Variants in STAT4 observed in about 807,000 individuals in gnomAD.
STAT4 encodes the protein signal transducer and activator of transcription 4.
In STAT4, 42 loss-of-function variants were observed where a neutral mutation model predicts 110.5. That is an observed-to-expected ratio of 0.38 (90% CI 0.30 to 0.49). The LOEUF is 0.49. Among genes scored for constraint, STAT4 ranks in the 20% least tolerant of loss-of-function variants. STAT4 has a pLI of 0.95. For missense variants in STAT4, 632 were observed against 887.9 expected (o/e 0.71, Z 3.66); for synonymous variants, 284 against 302.2 (o/e 0.94, Z 0.63).
In STAT4 at chr2:191,062,598, A is replaced by G. The variant is rs953998304; in HGVS notation, c.941+164T>C. On this transcript the variant is annotated intron_variant, in intron 9 of 23. Coordinates refer to ENST00000392320, the MANE Select transcript of STAT4 (RefSeq NM_003151.4). The surrounding 1 kb of genome is among the most constrained non-coding windows in gnomAD (Gnocchi z 4.9). ...AGAAGTGTTGATGAATAAATAGTGA[A>G]GAGTAGAAATGTGGTTTCTAAAACT... 6.6e-6 allele frequency among the ~76,000 whole-genome samples: 1 copy of G among 152,196 alleles called. No individual in the cohort carries two copies. The highest frequency in any genetic ancestry group is 2.4e-5 in the African/African-American group (1 of 41,452).
At chr2:191,122,804 A>G (rs1698775424) in intron 3 of STAT4, among the ~76,000 whole-genome samples, 1 of 152,230 alleles carries the variant, frequency 6.6e-6, no homozygotes, top group South Asian at 2.1e-4. Context: ...CAAGATAGTC[A>G]AAACAAATCT....
At chr2:191,102,443 T>C (rs975409134) in intron 3 of STAT4, among the ~76,000 whole-genome samples, 2 of 152,176 alleles carry the variant, frequency 1.3e-5, no homozygotes, top group Admixed American at 1.3e-4. Flanking sequence ...TTATTGAAAT[T>C]ATTTTTGCAC....
In STAT4 at chr2:191,061,757, T is replaced by A. The variant is rs770753645; in HGVS notation, c.1006A>T (p.Thr336Ser). 1 of 1,613,400 alleles carries A rather than the reference T, an allele frequency of 6.2e-7. No individual in the cohort carries two copies. Among genetic ancestry groups the A allele is most frequent in the Non-Finnish European group, 8.5e-7 (1 of 1,179,788 alleles). The change falls in exon 10 of 24, where the codon ACC becomes TCC. Residue 336 changes from threonine (T) to serine (S), a missense_variant. Thr to Ser is a moderately conservative substitution (Grantham distance 58, BLOSUM62 1). Coordinates refer to ENST00000392320, the MANE Select transcript of STAT4 (RefSeq NM_003151.4). This position sits in a 1 kb window ranked among gnomAD's most constrained non-coding sequence, Gnocchi z 6.2. ...THPQRPLVLK[T>S]LIQFTVKLRL... The stretch of plus-strand genomic sequence containing the variant: ...AGTTTTACAGTGAACTGAATTAGGG[T>A]TTTAAGTACCAACGGCCTCTGAGGG...
intron 3 of STAT4, among the ~76,000 whole-genome samples, chr2:191,080,754 T>G (rs1373561065): frequency 6.6e-6 from 1 of 152,190 alleles, no homozygotes; most frequent in African/African-American, 2.4e-5. Context: ...TTCTCAGATG[T>G]CTATTCCAGA....
At chr2:191,127,246 A>G (rs908142421) in intron 3 of STAT4, among the ~76,000 whole-genome samples, 1 of 152,114 alleles carries the variant, frequency 6.6e-6, no homozygotes, top group African/African-American at 2.4e-5. Flanking sequence ...ACATATTGAA[A>G]CCTTTGATGG....
intron 16 of STAT4, among the ~76,000 whole-genome samples, chr2:191,036,863 G>A (rs1188929812): frequency 1.3e-5 from 2 of 152,148 alleles, no homozygotes; most frequent in Non-Finnish European, 2.9e-5. Flanking sequence ...TCAATATATA[G>A]GATTCCTAAT....
chr2:191,110,852 C>T lies in STAT4; in HGVS notation c.274-34527G>A, dbSNP rs1235897114. 2.6e-5 allele frequency among the ~76,000 whole-genome samples: 4 copies of T among 152,128 alleles called. No individual in the cohort carries two copies. The South Asian group carries it at 6.2e-4, about 24-fold the overall frequency. ...AGGCTGGAGTGCAGTGGCGCAGTCTCGTCTCACTGCAACCTCTGCCTCCTG... is the reference window on the plus strand; with the variant it reads ...AGGCTGGAGTGCAGTGGCGCAGTCTTGTCTCACTGCAACCTCTGCCTCCTG... On this transcript the variant is annotated intron_variant, in intron 3 of 23. Transcript: ENST00000392320. The surrounding 1 kb of genome is among the most constrained non-coding windows in gnomAD (Gnocchi z 4.5).
chr2:191,086,634 A>G lies in STAT4; in HGVS notation c.274-10309T>C, dbSNP rs922414650. 1.5e-5 allele frequency among the ~76,000 whole-genome samples: 2 copies of G among 132,800 alleles called. No homozygotes were observed. Among genetic ancestry groups the G allele is most frequent in the African/African-American group, 7.8e-5 (2 of 25,796 alleles). The allele number at this position is 132,800 out of a possible 152,430, so 87.1% of individuals were successfully genotyped here. A position where few individuals can be genotyped will look rare whatever the true frequency, so the allele number is the denominator to read the frequency against. On this transcript the variant is annotated intron_variant, in intron 3 of 23. Transcript: ENST00000392320. The surrounding 1 kb of genome is among the most constrained non-coding windows in gnomAD (Gnocchi z 5.5). Reference sequence around the variant, plus strand: ...AAGAAACTGTAGTATACTTGTTATCAGATTCTAGCCTTGTCTATTCTTTTT... The same window carrying G: ...AAGAAACTGTAGTATACTTGTTATCGGATTCTAGCCTTGTCTATTCTTTTT...
chr2:191,058,140 G>A lies in STAT4; in HGVS notation c.1113-29C>T, dbSNP rs1478293118. The A allele has an allele frequency of 6.2e-7, 1 of 1,612,818 alleles. No homozygotes were observed. The highest frequency in any genetic ancestry group is 1.3e-5 in the African/African-American group (1 of 74,860). On this transcript the variant is annotated intron_variant, in intron 12 of 23. Transcript: ENST00000392320. The surrounding 1 kb of genome is among the most constrained non-coding windows in gnomAD (Gnocchi z 4.3). Reference sequence around the variant, plus strand: ...GAGAGGAAATCTTAGCTATTTACATGGTCTCAGGTAAAATAAATTTACAAG... The same window carrying A: ...GAGAGGAAATCTTAGCTATTTACATAGTCTCAGGTAAAATAAATTTACAAG...
chr2:191,089,375 A>G (rs1303471114), intron 3 of STAT4, among the ~76,000 whole-genome samples: 3 of 152,220 alleles, frequency 2.0e-5, no homozygotes, highest in Non-Finnish European at 4.4e-5. Context: ...TGCATCTATC[A>G]GAACAATCAA....
rs1697362042 is a variant in STAT4 at position 191,077,989 on chromosome 2, C to T, written c.274-1664G>A. 6.6e-6 allele frequency among the ~76,000 whole-genome samples: 1 copy of T among 151,994 alleles called. No individual in the cohort carries two copies. Among genetic ancestry groups the T allele is most frequent in the South Asian group, 2.1e-4 (1 of 4,826 alleles). ...AGATTCTCTCTAGTTAGAATTTGTTCCTGATGTTAATTTTCCCATGTATTA... is the reference window on the plus strand; with the variant it reads ...AGATTCTCTCTAGTTAGAATTTGTTTCTGATGTTAATTTTCCCATGTATTA... On this transcript the variant is annotated intron_variant, in intron 3 of 23. Coordinates refer to ENST00000392320, the MANE Select transcript of STAT4 (RefSeq NM_003151.4). This position sits in a 1 kb window ranked among gnomAD's most constrained non-coding sequence, Gnocchi z 4.1.
intron 3 of STAT4, among the ~76,000 whole-genome samples, chr2:191,130,510 C>T (rs999624805): frequency 2.6e-5 from 4 of 151,718 alleles, no homozygotes; most frequent in Non-Finnish European, 4.4e-5. Context: ...GCATGAGCCA[C>T]GGCGCTTGGC....
chr2:191,073,276 G>A (rs984894110), intron 4 of STAT4, 86 bp from the exon 5 acceptor site: 1 of 1,095,198 alleles, frequency 9.1e-7, no homozygotes, highest in African/African-American at 1.6e-5. Context: ...TCGACCTGAG[G>A]TCTGGATCAA....
intron 3 of STAT4, chr2:191,131,860 T>C: frequency 4.1e-6 from 6 of 1,462,498 alleles, no homozygotes; most frequent in Non-Finnish European, 4.5e-6. Flanking sequence ...GGTTTCTCCA[T>C]GTCGATCCAA....
At chr2:191,131,883 T>G (rs910778330) in intron 3 of STAT4, 1 of 1,448,966 alleles carries the variant, frequency 6.9e-7, no homozygotes, top group South Asian at 1.5e-5. Context: ...GCAGCTGTGC[T>G]GTAGCCAACC....
intron 5 of STAT4, among the ~76,000 whole-genome samples, chr2:191,070,776 C>T (rs1697122742): frequency 6.6e-6 from 1 of 151,862 alleles, no homozygotes; most frequent in South Asian, 2.1e-4. Context: ...GAATTTGTGT[C>T]CCAACTCTAT....
At chr2:191,064,180 T>C (rs1360948053) in intron 8 of STAT4, among the ~76,000 whole-genome samples, 2 of 152,244 alleles carry the variant, frequency 1.3e-5, no homozygotes, top group East Asian at 3.8e-4. Flanking sequence ...ATTTGTGGTA[T>C]ACAACATGAT....
At chr2:191,105,172 C>T (rs971873948) in intron 3 of STAT4, among the ~76,000 whole-genome samples, 4 of 152,216 alleles carry the variant, frequency 2.6e-5, no homozygotes, top group African/African-American at 9.6e-5. Context: ...CCACTACCCT[C>T]CTTTGTAGCC....
chr2:191,140,317 C>A lies in STAT4; in HGVS notation c.273+6296G>T, dbSNP rs1384361701. On this transcript the variant is annotated intron_variant, in intron 3 of 23. Transcript: ENST00000392320. This position sits in a 1 kb window ranked among gnomAD's most constrained non-coding sequence, Gnocchi z 4.4. Reference sequence around the variant, plus strand: ...AGCCAAGTAAACAGACAACCCACAGCGTGGGAGAAAATATTTGCAAGCTAT... The same window carrying A: ...AGCCAAGTAAACAGACAACCCACAGAGTGGGAGAAAATATTTGCAAGCTAT... Among the ~76,000 whole-genome samples, 4 of 152,108 alleles carry A rather than the reference C, an allele frequency of 2.6e-5. No individual in the cohort carries two copies. Among genetic ancestry groups the A allele is most frequent in the African/African-American group, 9.7e-5 (4 of 41,434 alleles).
Sources: gnomAD v4.1 joint callset for allele counts (sites outside exome capture counted in the v4.1 genomes callset) on GRCh38, gnomAD v4.1.1 for gene constraint, Gnocchi (gnomAD v3.1) non-coding constraint, MANE v1.5 for transcripts, NCBI Gene and HGNC (gene_info 2026-07-23, HGNC 2026-07-21) for gene names.